Variants in ABL2 observed in about 807,000 individuals in gnomAD.
ABL2 encodes tyrosine-protein kinase ABL2.
Under a neutral mutation model 107.7 loss-of-function variants are expected in ABL2, and 49 were observed. The observed-to-expected ratio is 0.45, with a 90% CI of 0.36 to 0.58. ABL2 has a LOEUF of 0.58. Ranked by LOEUF, ABL2 falls within the 20% of genes least tolerant of loss-of-function variation. The pLI, the probability that ABL2 is intolerant of heterozygous loss-of-function variation, is 0.00. For missense variants in ABL2, 1,245 were observed against 1,457.0 expected (o/e 0.85, Z 2.37); for synonymous variants, 549 against 548.6 (o/e 1.00, Z -0.01).
intron 1 of ABL2, among the ~76,000 whole-genome samples, chr1:179,180,474 A>T (rs950853147): frequency 6.6e-6 from 1 of 152,076 alleles, no homozygotes; most frequent in Admixed American, 6.6e-5. Context: ...ACTGAATGAG[A>T]CTCTGCTGCT....
intron 1 of ABL2, among the ~76,000 whole-genome samples, chr1:179,135,589 G>A (rs377294964): frequency 1.7e-4 from 25 of 151,200 alleles, no homozygotes; most frequent in East Asian, 4.0e-4. Flanking sequence ...CACCTCGTCC[G>A]GGAGGGAGGT....
At chr1:179,132,020 T>C (rs938432783) in intron 2 of ABL2, among the ~76,000 whole-genome samples, 4 of 152,328 alleles carry the variant, frequency 2.6e-5, no homozygotes, top group East Asian at 1.9e-4. Context: ...TATTTAAGTA[T>C]AGAAAAAATT....
chr1:179,199,781 G>C (rs1279362253), intron 1 of ABL2, among the ~76,000 whole-genome samples: 1 of 141,148 alleles, frequency 7.1e-6, no homozygotes, highest in African/African-American at 2.6e-5. Flanking sequence ...ACCCAGGCTA[G>C]AGTGCAGTGG....
chr1:179,143,996 TGA>T (rs1395134086), intron 1 of ABL2, among the ~76,000 whole-genome samples: 1 of 152,082 alleles, frequency 6.6e-6, no homozygotes, highest in Admixed American at 6.6e-5. Flanking sequence ...ATGCCCAGCC[TGA>T]GTGTTAAAAG....
chr1:179,139,919 G>A (rs1168235862), intron 1 of ABL2, among the ~76,000 whole-genome samples: 1 of 152,142 alleles, frequency 6.6e-6, no homozygotes, highest in Non-Finnish European at 1.5e-5. Flanking sequence ...TCCCCACCCA[G>A]TCTGTGAAAA....
chr1:179,209,299 T>TC, intron 1 of ABL2, among the ~76,000 whole-genome samples: 1 of 152,072 alleles, frequency 6.6e-6, no homozygotes, highest in South Asian at 2.1e-4. Context: ...CTTGCTAAGT[T>TC]CCCCCCAGGT....
intron 4 of ABL2, among the ~76,000 whole-genome samples, chr1:179,122,196 G>A (rs911128268): frequency 6.7e-6 from 1 of 149,456 alleles, no homozygotes; most frequent in African/African-American, 2.5e-5. Context: ...TTACAAGCAT[G>A]AGCCACCGCT....
At chr1:179,112,458 T>C (rs1022488356) in intron 9 of ABL2, 60 bp from the exon 10 acceptor site, 22 of 1,343,012 alleles carry the variant, frequency 1.6e-5, no homozygotes, top group Non-Finnish European at 2.1e-5. Context: ...TCCAGTGGTG[T>C]ATCTAATAAT....
chr1:179,192,475 C>A (rs527458517), intron 1 of ABL2, among the ~76,000 whole-genome samples: 36 of 152,298 alleles, frequency 2.4e-4, no homozygotes, highest in South Asian at 1.7e-3. Flanking sequence ...TCTCACTGGA[C>A]AAATAAATAT....
At chr1:179,115,580 C>A (rs1315968974) in intron 8 of ABL2, among the ~76,000 whole-genome samples, 1 of 152,142 alleles carries the variant, frequency 6.6e-6, no homozygotes, top group African/African-American at 2.4e-5. Flanking sequence ...ACCGTAGATG[C>A]TACCCACCCC....
At position 179,136,745 on chromosome 1, in the gene ABL2, A is replaced by T. The variant is rs1301537703; in HGVS notation, c.158-3371T>A. 3.6e-5 allele frequency among the ~76,000 whole-genome samples: 5 copies of T among 137,152 alleles called. No homozygotes were observed. In the East Asian group the frequency reaches 9.4e-4, roughly 26 times the overall value. The allele number at this position is 137,152 out of a possible 152,430, so 90.0% of individuals were successfully genotyped here. ...ATAAATAAATAAATAAATAAATAAAAATAAAAATAAAAATACAAAAATTAG... is the reference window on the plus strand; with the variant it reads ...ATAAATAAATAAATAAATAAATAAATATAAAAATAAAAATACAAAAATTAG... On this transcript the variant is annotated intron_variant, in intron 1 of 11. Transcript: ENST00000502732.
At position 179,117,414 on chromosome 1, in the gene ABL2, A is replaced by G; in HGVS notation, c.1326T>C (p.His442=). Reference sequence around the variant, plus strand: ...ACTTAATAGGAAATTTGGCTCCAGCATGAGCAGTATAAGTGTCTCCAGTCA... The same window carrying G: ...ACTTAATAGGAAATTTGGCTCCAGCGTGAGCAGTATAAGTGTCTCCAGTCA... ...RLMTGDTYTA[H]AGAKFPIKWT... Residue 442 remains histidine (H), a synonymous_variant, in exon 8 of 12, where the codon CAT becomes CAC. Transcript: ENST00000502732. The G allele has an allele frequency of 1.2e-6, 2 of 1,614,208 alleles. No homozygotes were observed. The highest frequency in any genetic ancestry group is 4.5e-5 in the East Asian group (2 of 44,878).
chr1:179,185,911 C>T (rs541137958), intron 1 of ABL2, among the ~76,000 whole-genome samples: 1 of 151,984 alleles, frequency 6.6e-6, no homozygotes, highest in South Asian at 2.1e-4. Flanking sequence ...TTTAGGAAGC[C>T]TAGACAAGCA....
intron 1 of ABL2, among the ~76,000 whole-genome samples, chr1:179,178,185 G>A (rs1409391555): frequency 2.0e-5 from 3 of 152,094 alleles, no homozygotes; most frequent in South Asian, 4.2e-4. Flanking sequence ...ATCACTTGAC[G>A]TAAAGAGTTC....
At position 179,108,442 on chromosome 1, in the gene ABL2, G is replaced by C; in HGVS notation, c.2825C>G (p.Thr942Ser). The C allele has an allele frequency of 6.2e-7, 1 of 1,614,238 alleles. No individual in the cohort carries two copies. The highest frequency in any genetic ancestry group is 8.5e-7 in the Non-Finnish European group (1 of 1,180,048). ...PVLISPTLKH[T>S]PADVQLIGTD... is the part of the protein sequence containing the mutation. Reference sequence around the variant, plus strand: ...GCCAATGAGCTGCACGTCAGCTGGAGTGTGTTTCAGAGTGGGTGAGATAAG... The same window carrying C: ...GCCAATGAGCTGCACGTCAGCTGGACTGTGTTTCAGAGTGGGTGAGATAAG... Residue 942 changes from threonine (T) to serine (S), a missense_variant, in exon 12 of 12, where the codon ACT (threonine) becomes AGT (serine). Transcript: ENST00000502732.
chr1:179,143,099 G>A, intron 1 of ABL2: 2 of 1,592,434 alleles, frequency 1.3e-6, no homozygotes, highest in South Asian at 1.1e-5. Context: ...GGAAGTCTTA[G>A]AATTCCATTC....
At chr1:179,200,873 T>C (rs1661630075) in intron 1 of ABL2, among the ~76,000 whole-genome samples, 1 of 152,170 alleles carries the variant, frequency 6.6e-6, no homozygotes, top group Non-Finnish European at 1.5e-5. Flanking sequence ...CTTCTCCCAG[T>C]GGAGTCACAC....
intron 1 of ABL2, among the ~76,000 whole-genome samples, chr1:179,164,509 G>A (rs1659267309): frequency 6.6e-6 from 1 of 152,160 alleles, no homozygotes; most frequent in South Asian, 2.1e-4. Flanking sequence ...CATTGCCTAT[G>A]TTATTTAGGC....
intron 1 of ABL2, among the ~76,000 whole-genome samples, chr1:179,200,777 A>G (rs529953201): frequency 1.3e-5 from 2 of 152,336 alleles, no homozygotes; most frequent in Admixed American, 1.3e-4. Context: ...GTGCTTTATC[A>G]CAGCAAAGGG....
Sources: gnomAD v4.1 joint callset for allele counts (sites outside exome capture counted in the v4.1 genomes callset) on GRCh38, gnomAD v4.1.1 for gene constraint, MANE v1.5 for transcripts, NCBI Gene and HGNC (gene_info 2026-07-23, HGNC 2026-07-21) for gene names.